TPST1: variants seen among roughly 807,000 people sequenced by gnomAD.
TPST1 encodes protein-tyrosine sulfotransferase 1.
Under a neutral mutation model 34.8 loss-of-function variants are expected in TPST1, and 20 were observed. That is an observed-to-expected ratio of 0.57 (90% CI 0.40 to 0.84). TPST1 has a LOEUF of 0.84. Ranked by LOEUF, TPST1 falls within the 40% of genes least tolerant of loss-of-function variation. The pLI is 0.00. For missense variants in TPST1, 353 were observed against 455.5 expected, an observed-to-expected ratio of 0.78 and a Z score of 2.05; for synonymous variants, 152 against 159.4, an observed-to-expected ratio of 0.95 and a Z score of 0.35.
At chr7:66,301,367 T>G (rs1562834729) in intron 3 of TPST1, among the ~76,000 whole-genome samples, 1 of 152,210 alleles carries the variant, frequency 6.6e-6, no homozygotes, top group Non-Finnish European at 1.5e-5. Context: ...ATGTCTACAG[T>G]AAGACTCTCA....
At chr7:66,326,017 A>T (rs1421413959) in intron 3 of TPST1, among the ~76,000 whole-genome samples, 1 of 152,258 alleles carries the variant, frequency 6.6e-6, no homozygotes, top group Non-Finnish European at 1.5e-5. Flanking sequence ...CCAGTATTTT[A>T]TAATGTTGTA....
chr7:66,256,845 T>C (rs1790392285), intron 2 of TPST1, among the ~76,000 whole-genome samples: 1 of 152,194 alleles, frequency 6.6e-6, no homozygotes, highest in Non-Finnish European at 1.5e-5. Context: ...AATTTGCCCC[T>C]TCCTCCAGGT....
rs569510695 is a variant in TPST1, at chr7:66,340,015, T to A, written c.1045-12490T>A. Reference sequence around the variant, plus strand: ...AGTAGAATTCAGCATCCCTTCTTGATAAAAATTCTCAACAAACGGTATAGA... The same window carrying A: ...AGTAGAATTCAGCATCCCTTCTTGAAAAAAATTCTCAACAAACGGTATAGA... On this transcript the variant is annotated intron_variant, in intron 3 of 5. Coordinates refer to ENST00000304842, the MANE Select transcript of TPST1 (RefSeq NM_003596.4). Among the ~76,000 whole-genome samples, 3 of 152,116 alleles carry A rather than the reference T, an allele frequency of 2.0e-5. No homozygotes were observed. The East Asian group carries it at 5.8e-4, about 29-fold the overall frequency.
At chr7:66,259,398 G>C (rs1251277599) in intron 2 of TPST1, among the ~76,000 whole-genome samples, 1 of 152,076 alleles carries the variant, frequency 6.6e-6, no homozygotes, top group African/African-American at 2.4e-5. Context: ...CCTGAAATCA[G>C]TAATTTTTAC....
intron 3 of TPST1, among the ~76,000 whole-genome samples, chr7:66,321,758 C>G (rs1791762428): frequency 6.6e-6 from 1 of 152,208 alleles, no homozygotes. Context: ...ACAGTTTAAT[C>G]TTCTAAAATT....
intron 3 of TPST1, among the ~76,000 whole-genome samples, chr7:66,298,203 G>A (rs977183760): frequency 2.0e-5 from 3 of 152,122 alleles, no homozygotes; most frequent in African/African-American, 7.2e-5. Flanking sequence ...ATTTTATAGT[G>A]TTGTTACAGT....
chr7:66,230,820 C>T (rs1014640514), intron 1 of TPST1, among the ~76,000 whole-genome samples: 1 of 152,132 alleles, frequency 6.6e-6, no homozygotes, highest in East Asian at 1.9e-4. Flanking sequence ...ATTGGTAGAG[C>T]CGAGTGGTCT....
intron 3 of TPST1, among the ~76,000 whole-genome samples, chr7:66,309,811 G>A (rs1476855852): frequency 6.7e-6 from 1 of 149,188 alleles, no homozygotes; most frequent in Non-Finnish European, 1.5e-5. Flanking sequence ...CCATTTTTTT[G>A]TAGCCAGTGA....
At chr7:66,278,129 A>AAAAAG (rs1790857246) in intron 2 of TPST1, among the ~76,000 whole-genome samples, 1 of 147,012 alleles carries the variant, frequency 6.8e-6, no homozygotes, top group Non-Finnish European at 1.5e-5. Context: ...AAAAAAAAAA[A>AAAAAG]TTGCAGAAAT....
chr7:66,336,409 A>G (rs1285219436), intron 3 of TPST1, among the ~76,000 whole-genome samples: 1 of 152,226 alleles, frequency 6.6e-6, no homozygotes, highest in Non-Finnish European at 1.5e-5. Flanking sequence ...AATTTGACAA[A>G]GAAATAGAAA....
intron 3 of TPST1, among the ~76,000 whole-genome samples, chr7:66,293,080 C>T (rs1384166478): frequency 1.3e-5 from 2 of 152,014 alleles, no homozygotes; most frequent in Non-Finnish European, 2.9e-5. Flanking sequence ...GTGGTGGGCG[C>T]CTGTAGTCCC....
intron 2 of TPST1, among the ~76,000 whole-genome samples, chr7:66,269,066 G>A (rs992804749): frequency 5.9e-5 from 9 of 152,212 alleles, no homozygotes; most frequent in Non-Finnish European, 1.0e-4. Flanking sequence ...AACAGTGGCT[G>A]ATTTTTGAAG....
chr7:66,207,142 T>C (rs1049874630), intron 1 of TPST1, among the ~76,000 whole-genome samples: 1 of 152,206 alleles, frequency 6.6e-6, no homozygotes, highest in Non-Finnish European at 1.5e-5. Flanking sequence ...AAAAATCATA[T>C]AACTAAACTG....
intron 3 of TPST1, among the ~76,000 whole-genome samples, chr7:66,295,292 C>A (rs1791170571): frequency 6.6e-6 from 1 of 152,080 alleles, no homozygotes. Flanking sequence ...CTCAGGAGTT[C>A]AAGACCAGCC....
At chr7:66,200,096 C>T in the TPST1 span, among the ~76,000 whole-genome samples, 1 of 152,172 alleles carries the variant, frequency 6.6e-6, no homozygotes, top group African/African-American at 2.4e-5. Flanking sequence ...GACAATGCTG[C>T]CTTTTCAGTT....
At chr7:66,309,706 A>G (rs1484917616) in intron 3 of TPST1, among the ~76,000 whole-genome samples, 1 of 152,222 alleles carries the variant, frequency 6.6e-6, no homozygotes, top group East Asian at 1.9e-4. Context: ...TTTCCCTGTT[A>G]GTAAAGACTA....
At chr7:66,341,305 G>C (rs961679057) in intron 3 of TPST1, among the ~76,000 whole-genome samples, 5 of 152,038 alleles carry the variant, frequency 3.3e-5, no homozygotes, top group Admixed American at 6.5e-5. Context: ...TTGAGACAGA[G>C]TCTCGCTCTG....
intron 2 of TPST1, among the ~76,000 whole-genome samples, chr7:66,245,646 T>G (rs1428178357): frequency 6.6e-6 from 1 of 152,240 alleles, no homozygotes; most frequent in Non-Finnish European, 1.5e-5. Flanking sequence ...TTTGTCAGTT[T>G]GGAAACTTAA....
chr7:66,354,941 C>T (rs571853295), intron 4 of TPST1, among the ~76,000 whole-genome samples: 57 of 151,578 alleles, frequency 3.8e-4, no homozygotes, highest in Admixed American at 1.2e-3. Flanking sequence ...TGCAATGAGC[C>T]GAGATCACAC....
Sources: allele counts gnomAD v4.1 joint callset (sites outside exome capture counted in the v4.1 genomes callset), GRCh38; gene constraint gnomAD v4.1.1; transcripts MANE v1.5; gene names NCBI Gene and HGNC (gene_info 2026-07-23, HGNC 2026-07-21).